The following RTTN variants were observed in gnomAD, a reference collection of about 807,000 sequenced individuals.
RTTN encodes the protein rotatin.
Under a neutral mutation model 269.2 loss-of-function variants are expected in RTTN, and 182 were observed. The ratio of observed to expected loss-of-function variants is 0.68; its 90% CI spans 0.60 to 0.76. The LOEUF is 0.76. RTTN is among the 30% of genes least tolerant of loss of function. The pLI is 0.00. For missense variants in RTTN, 2,545 were observed against 2,608.6 expected, an observed-to-expected ratio of 0.98 and a Z score of 0.53; for synonymous variants, 1,006 against 963.5, an observed-to-expected ratio of 1.04 and a Z score of -0.82.
intron 44 of RTTN, 53 bp downstream of exon 44, chr18:70,024,669 T>TA (rs2056802205): frequency 6.7e-7 from 1 of 1,490,436 alleles, no homozygotes; most frequent in African/African-American, 1.4e-5. Context: ...TAACAACATT[T>TA]ATAAAACTAG....
intron 23 of RTTN, 44 bp downstream of exon 23, chr18:70,134,429 C>A: frequency 7.4e-7 from 1 of 1,357,174 alleles, no homozygotes; most frequent in Non-Finnish European, 1.0e-6. Flanking sequence ...CTTTCTGTAA[C>A]AACATTTCGT....
intron 28 of RTTN, among the ~76,000 whole-genome samples, chr18:70,093,027 G>A (rs1044623865): frequency 5.9e-5 from 9 of 152,002 alleles, no homozygotes; most frequent in African/African-American, 2.2e-4. Flanking sequence ...AACATAGCAA[G>A]ACCCAGTCTA....
At chr18:70,027,953 T>C (rs570763002) in intron 43 of RTTN, among the ~76,000 whole-genome samples, 1 of 152,274 alleles carries the variant, frequency 6.6e-6, no homozygotes, top group South Asian at 2.1e-4. Flanking sequence ...CAGGTAAAAA[T>C]TTATAAGGCA....
intron 25 of RTTN, among the ~76,000 whole-genome samples, chr18:70,123,512 T>G (rs2145579098): frequency 6.6e-6 from 1 of 152,250 alleles, no homozygotes; most frequent in Non-Finnish European, 1.5e-5. Context: ...GCCACTTGCC[T>G]CTGGTAACAA....
At chr18:70,133,966 T>C (rs1156616883) in intron 23 of RTTN, among the ~76,000 whole-genome samples, 1 of 152,098 alleles carries the variant, frequency 6.6e-6, no homozygotes, top group African/African-American at 2.4e-5. Flanking sequence ...CAAAAGATAC[T>C]TGGAGATAAC....
chr18:70,119,966 T>C (rs1254412479), intron 26 of RTTN, among the ~76,000 whole-genome samples: 4 of 152,220 alleles, frequency 2.6e-5, no homozygotes, highest in African/African-American at 9.6e-5. Flanking sequence ...AGATAATTAC[T>C]ATGGTTTGAA....
intron 14 of RTTN, among the ~76,000 whole-genome samples, chr18:70,156,832 G>A (rs767595398): frequency 4.5e-4 from 68 of 152,222 alleles, no homozygotes; most frequent in Middle Eastern, 6.8e-3. Context: ...CCTCTAGGTG[G>A]CTTTAGCCTT....
intron 27 of RTTN, among the ~76,000 whole-genome samples, chr18:70,110,760 TG>T (rs1220767095): frequency 6.6e-6 from 1 of 152,210 alleles, no homozygotes; most frequent in Non-Finnish European, 1.5e-5. Flanking sequence ...CCAAGTGGTC[TG>T]GCTCAGCAGG....
At chr18:70,054,660 C>T (rs1257824397) in intron 37 of RTTN, among the ~76,000 whole-genome samples, 6 of 152,064 alleles carry the variant, frequency 3.9e-5, no homozygotes, top group Admixed American at 2.0e-4. Context: ...CGGTGAGATC[C>T]TGTTTCCACA....
rs563890928 is a variant in RTTN, at chr18:70,075,483, T to C, written c.4433A>G (p.Gln1478Arg). Residue 1478 changes from glutamine to arginine, a missense_variant, in exon 33 of 49, where the codon CAG (glutamine) becomes CGG (arginine). By Grantham distance (43) the Gln-to-Arg change is conservative. Coordinates refer to ENST00000640769, the MANE Select transcript of RTTN (RefSeq NM_173630.4). ...GLSLIGKPALQALLYHCHFYE... is the reference protein window; with the variant it reads ...GLSLIGKPALRALLYHCHFYE... Reference sequence around the variant, plus strand: ...AAAATGGCAGTGATATAAAAGAGCCTGAAGGGCAGGTTTTCCAATGAGCGA... The same window carrying C: ...AAAATGGCAGTGATATAAAAGAGCCCGAAGGGCAGGTTTTCCAATGAGCGA... The C allele has an allele frequency of 1.1e-5, 17 of 1,605,162 alleles. No homozygotes were observed. The South Asian group carries it at 1.7e-4, about 16-fold the overall frequency.
At chr18:70,111,152 C>T (rs569216968) in intron 27 of RTTN, among the ~76,000 whole-genome samples, 4 of 152,314 alleles carry the variant, frequency 2.6e-5, no homozygotes, top group Non-Finnish European at 4.4e-5. Context: ...TTTAAACATC[C>T]CTGCCTGACG....
chr18:70,111,672 G>A (rs1196430392), intron 27 of RTTN, among the ~76,000 whole-genome samples: 5 of 152,198 alleles, frequency 3.3e-5, no homozygotes, highest in Non-Finnish European at 5.9e-5. Flanking sequence ...CCAAATCTAT[G>A]TTCGATTGGT....
chr18:70,157,125 G>A (rs78017250), intron 14 of RTTN, among the ~76,000 whole-genome samples: 4,417 of 152,044 alleles, frequency 0.029, 230 homozygotes, highest in African/African-American at 0.1. Context: ...CTGCCAGTGC[G>A]CACTTGCCCA....
intron 44 of RTTN, among the ~76,000 whole-genome samples, chr18:70,021,430 C>A (rs1418189866): frequency 6.6e-6 from 1 of 152,042 alleles, no homozygotes; most frequent in East Asian, 1.9e-4. Flanking sequence ...AATGTTAAAT[C>A]AATAAGACTG....
At chr18:70,048,216 T>C (rs1309785011) in intron 39 of RTTN, 28 bp from the exon 40 acceptor site, 1 of 1,577,524 alleles carries the variant, frequency 6.3e-7, no homozygotes, top group Admixed American at 1.7e-5. Flanking sequence ...GATGTGAATG[T>C]TTGAAAATTT....
At chr18:70,047,652 A>G (rs922820521) in intron 40 of RTTN, among the ~76,000 whole-genome samples, 3 of 152,216 alleles carry the variant, frequency 2.0e-5, no homozygotes, top group African/African-American at 2.4e-5. Flanking sequence ...ATTTTGAACC[A>G]TAACTGCATT....
chr18:70,033,983 T>C (rs1209801252), intron 40 of RTTN, among the ~76,000 whole-genome samples: 2 of 152,050 alleles, frequency 1.3e-5, no homozygotes. Flanking sequence ...CCTGGCCACA[T>C]ATATCCTCCC....
rs1162165286 is a variant in RTTN at position 70,092,100 on chromosome 18, TCA to T, written c.4143+8_4143+9del. On this transcript the variant is annotated splice_region_variant and intron_variant, in intron 30 of 48. Coordinates refer to ENST00000640769, the MANE Select transcript of RTTN (RefSeq NM_173630.4). ...TAAACACAATACACTTGATTCTCCT[TCA>T]CACTCACCTCTGGGTCCCGATCAAC... is the stretch of plus-strand genomic sequence containing the variant. 1.3e-6 allele frequency: 2 copies of T among 1,559,206 alleles called. No individual in the cohort carries two copies. The highest frequency in any genetic ancestry group is 3.3e-5 in the Admixed American group (2 of 59,730).
chr18:70,137,888 A>G (rs2060161384), intron 21 of RTTN, among the ~76,000 whole-genome samples: 1 of 152,182 alleles, frequency 6.6e-6, no homozygotes, highest in South Asian at 2.1e-4. Flanking sequence ...ATGCTCACCA[A>G]TATAACCCAA....
Sources: gnomAD v4.1 joint callset for allele counts (sites outside exome capture counted in the v4.1 genomes callset) on GRCh38, gnomAD v4.1.1 for gene constraint, MANE v1.5 for transcripts, NCBI Gene and HGNC (gene_info 2026-07-23, HGNC 2026-07-21) for gene names.